The following GATB variants were observed in gnomAD, a reference collection of about 807,000 sequenced individuals.
GATB encodes glutamyl-tRNA amidotransferase subunit B.
GATB carries 39 observed loss-of-function variants against 62.3 expected under a neutral mutation model. The ratio of observed to expected loss-of-function variants is 0.63; its 90% CI spans 0.48 to 0.82. The LOEUF is 0.82. Ranked by LOEUF, GATB falls within the 40% of genes least tolerant of loss-of-function variation. The pLI is 0.00. For synonymous variants in GATB, 276 were observed against 258.9 expected, an observed-to-expected ratio of 1.07 and a Z score of -0.63; for missense variants, 670 against 684.0, an observed-to-expected ratio of 0.98 and a Z score of 0.23.
chr4:151,710,320 A>G (rs4696290), intron 5 of GATB, among the ~76,000 whole-genome samples: 61,372 of 151,948 alleles, frequency 0.4, 12,822 homozygotes, highest in South Asian at 0.57. Flanking sequence ...ACGTATACAT[A>G]TGCAATAGTA....
intron 9 of GATB, among the ~76,000 whole-genome samples, chr4:151,692,566 C>T (rs1738386833): frequency 6.6e-6 from 1 of 152,188 alleles, no homozygotes; most frequent in African/African-American, 2.4e-5. Context: ...TGGCATGACA[C>T]ACACCTGTTC....
At chr4:151,740,048 T>C (rs185318314) in intron 2 of GATB, among the ~76,000 whole-genome samples, 3 of 152,346 alleles carry the variant, frequency 2.0e-5, no homozygotes, top group Admixed American at 2.0e-4. Context: ...AAAAAGCATA[T>C]GGCTAAACAT....
At chr4:151,704,210 A>C (rs933184511) in intron 7 of GATB, among the ~76,000 whole-genome samples, 1 of 152,130 alleles carries the variant, frequency 6.6e-6, no homozygotes, top group Non-Finnish European at 1.5e-5. Context: ...TGAGAAAATT[A>C]AGGCCCAAGT....
chr4:151,682,312 C>T (rs1738156043), intron 10 of GATB, among the ~76,000 whole-genome samples: 1 of 152,136 alleles, frequency 6.6e-6, no homozygotes, highest in Non-Finnish European at 1.5e-5. Context: ...CAGGGCTAAA[C>T]TTGAGTCAGA....
intron 9 of GATB, among the ~76,000 whole-genome samples, chr4:151,695,576 C>T (rs778278837): frequency 3.3e-5 from 5 of 152,060 alleles, no homozygotes; most frequent in East Asian, 1.9e-4. Flanking sequence ...ACTCTCCCAC[C>T]GACGAGCTTC....
intron 2 of GATB, among the ~76,000 whole-genome samples, chr4:151,728,300 T>C (rs983322988): frequency 6.6e-6 from 1 of 152,238 alleles, no homozygotes; most frequent in Non-Finnish European, 1.5e-5. Flanking sequence ...CATCTGTAAC[T>C]TCCTGTCTTC....
At chr4:151,702,438 CAT>C (rs1241225866) in intron 8 of GATB, among the ~76,000 whole-genome samples, 1 of 152,144 alleles carries the variant, frequency 6.6e-6, no homozygotes, top group African/African-American at 2.4e-5. Flanking sequence ...TGTCATTGTG[CAT>C]ATGTCAAAAC....
intron 2 of GATB, among the ~76,000 whole-genome samples, chr4:151,733,172 A>C (rs545987837): frequency 3.9e-5 from 6 of 152,310 alleles, no homozygotes; most frequent in African/African-American, 1.4e-4. Flanking sequence ...AGATAAATGA[A>C]ACCAAAAACT....
At chr4:151,672,927 A>T in intron 11 of GATB, 31 bp from the exon 12 acceptor site, 1 of 1,612,018 alleles carries the variant, frequency 6.2e-7, no homozygotes, top group Non-Finnish European at 8.5e-7. Flanking sequence ...AGGAAAGAGA[A>T]ATGAGAAGTC....
At chr4:151,681,915 G>C (rs1221423027) in intron 10 of GATB, among the ~76,000 whole-genome samples, 1 of 152,104 alleles carries the variant, frequency 6.6e-6, no homozygotes, top group East Asian at 1.9e-4. Flanking sequence ...CCTCCCTCAT[G>C]ACCTAATCGC....
At chr4:151,715,159 T>C (rs563809975) in intron 5 of GATB, among the ~76,000 whole-genome samples, 1 of 152,360 alleles carries the variant, frequency 6.6e-6, no homozygotes, top group African/African-American at 2.4e-5. Context: ...CGGGATTTCC[T>C]GGGCACCTGC....
chr4:151,682,941 C>T (rs1331590637), intron 10 of GATB, among the ~76,000 whole-genome samples: 1 of 152,116 alleles, frequency 6.6e-6, no homozygotes, highest in African/African-American at 2.4e-5. Context: ...CACATGCCCT[C>T]ACCTCCCATT....
chr4:151,718,276 G>A (rs1489097292), intron 3 of GATB, among the ~76,000 whole-genome samples: 1 of 152,090 alleles, frequency 6.6e-6, no homozygotes, highest in African/African-American at 2.4e-5. Context: ...GTAAAACTAA[G>A]CTCTGGGTAG....
intron 2 of GATB, among the ~76,000 whole-genome samples, chr4:151,756,815 C>G (rs1318452500): frequency 6.6e-6 from 1 of 152,062 alleles, no homozygotes; most frequent in Non-Finnish European, 1.5e-5. Context: ...TAATTTTTGA[C>G]CAAATTTAGG....
rs545488643 is a variant in GATB, at chr4:151,722,156, G to A, written c.328-2618C>T. 1,204 of 700,118 alleles carry A rather than the reference G, an allele frequency of 1.7e-3. 14 individuals are homozygous for A. In the South Asian group the frequency reaches 0.017, roughly 10 times the overall value. 43.4% of individuals were successfully genotyped at this position (700,118 alleles called of 1,614,324 possible). A position where few individuals can be genotyped will look rare whatever the true frequency, so the allele number is the denominator to read the frequency against. On this transcript the variant is annotated intron_variant, in intron 2 of 12. Transcript: ENST00000263985. The stretch of plus-strand genomic sequence containing the variant: ...CTGCTTGTGACAGATGGAAGTCCAG[G>A]TCAGCATGTTCTGAGGATAGGATAC...
intron 11 of GATB, 86 bp from the exon 12 acceptor site, chr4:151,672,982 T>C (rs966757650): frequency 6.6e-7 from 1 of 1,518,720 alleles, no homozygotes; most frequent in East Asian, 2.3e-5. Context: ...TGTGTGGAGC[T>C]GGGGTGGGAA....
chr4:151,701,858 C>T (rs537492026), intron 8 of GATB, among the ~76,000 whole-genome samples: 18 of 152,186 alleles, frequency 1.2e-4, no homozygotes, highest in Non-Finnish European at 2.4e-4. Context: ...GCGATATGTT[C>T]GTAGAGATGT....
intron 10 of GATB, among the ~76,000 whole-genome samples, chr4:151,681,217 T>C (rs1738131282): frequency 1.3e-5 from 2 of 152,230 alleles, no homozygotes; most frequent in South Asian, 2.1e-4. Context: ...TGTACTCTAA[T>C]TCAAGTGCAG....
chr4:151,693,410 T>C (rs539841207), intron 9 of GATB, among the ~76,000 whole-genome samples: 61 of 152,262 alleles, frequency 4.0e-4, no homozygotes, highest in Middle Eastern at 3.4e-3. Context: ...AGTGCTCCTG[T>C]GAACAGAAAA....
Sources: allele counts gnomAD v4.1 joint callset (sites outside exome capture counted in the v4.1 genomes callset), GRCh38; gene constraint gnomAD v4.1.1; transcripts MANE v1.5; gene names NCBI Gene and HGNC (gene_info 2026-07-23, HGNC 2026-07-21).